STARD9: variants seen among roughly 807,000 people sequenced by gnomAD.
STARD9 encodes stAR-related lipid transfer protein 9.
STARD9 carries 346 observed loss-of-function variants against 399.8 expected under a neutral mutation model. That is an observed-to-expected ratio of 0.87 (90% confidence interval 0.79 to 0.95). The LOEUF (loss-of-function observed/expected upper bound fraction) is 0.95. STARD9 is among the 40% of genes least tolerant of loss of function. STARD9 has a pLI of 0.00. For synonymous variants in STARD9, 2,203 were observed against 2,143.5 expected, an observed-to-expected ratio of 1.03 and a Z score of -0.77; for missense variants, 5,832 against 5,667.5, an observed-to-expected ratio of 1.03 and a Z score of -0.93.
chr15:42,718,500 G>A lies in STARD9; in HGVS notation c.13828G>A (p.Val4610Met), dbSNP rs1345252622. Reference protein sequence around the residue: ...KQPRDFCCVCVEAKEGHLSVM... With the variant: ...KQPRDFCCVCMEAKEGHLSVM... ...GCCACGGGATTTCTGTTGTGTCTGC[G>A]TGGAAGCCAAAGAGGTGCCTGCCTT... The change falls in exon 31 of 33, where the codon GTG becomes ATG. Residue 4610 changes from valine to methionine, a missense_variant. Physicochemically the swap from Val to Met is conservative, Grantham distance 21. Around this residue, in one of 2 missense-constraint regions of STARD9, gnomAD observed 5,828 missense variants for 5,651.1 expected, o/e 1.03. Coordinates refer to ENST00000290607, the MANE Select transcript of STARD9 (RefSeq NM_020759.3). 12 of 1,537,210 alleles carry A rather than the reference G, an allele frequency of 7.8e-6. No individual in the cohort carries two copies. The highest frequency in any genetic ancestry group is 2.0e-5 in the Admixed American group (1 of 51,002).
intron 9 of STARD9, 60 bp downstream of exon 9, chr15:42,652,652 T>A: frequency 7.2e-7 from 1 of 1,383,684 alleles, no homozygotes; most frequent in East Asian, 2.5e-5. Flanking sequence ...TAAACCACTT[T>A]CTTGTCTTCC....
At chr15:42,636,278 A>G (rs1053569658) in intron 4 of STARD9, among the ~76,000 whole-genome samples, 4 of 152,124 alleles carry the variant, frequency 2.6e-5, no homozygotes, top group African/African-American at 7.2e-5. Context: ...CACCCTGGGC[A>G]ACAGAGTAAG....
At chr15:42,608,547 GAA>G (rs2141796426) in intron 3 of STARD9, among the ~76,000 whole-genome samples, 1 of 152,258 alleles carries the variant, frequency 6.6e-6, no homozygotes. Context: ...CTGATTGCAG[GAA>G]AAGTTTTTTC....
chr15:42,673,333 C>T (rs546971557), intron 16 of STARD9, among the ~76,000 whole-genome samples: 2 of 152,054 alleles, frequency 1.3e-5, no homozygotes, highest in East Asian at 1.9e-4. Context: ...ACCTGGGAGG[C>T]GAAGGTTGCA....
intron 3 of STARD9, among the ~76,000 whole-genome samples, chr15:42,633,969 G>A (rs1185462649): frequency 1.3e-5 from 2 of 151,988 alleles, no homozygotes; most frequent in Non-Finnish European, 2.9e-5. Context: ...TCATGTGCTA[G>A]TGTTGTCCTA....
At chr15:42,669,068 C>T (rs1178301026) in intron 15 of STARD9, 90 bp from the exon 16 acceptor site, 1 of 1,168,656 alleles carries the variant, frequency 8.6e-7, no homozygotes, top group East Asian at 2.6e-5. Flanking sequence ...AAGCAGTACC[C>T]TGGGGAAATA....
At chr15:42,621,572 A>G (rs1326214652) in intron 3 of STARD9, among the ~76,000 whole-genome samples, 1 of 152,234 alleles carries the variant, frequency 6.6e-6, no homozygotes, top group African/African-American at 2.4e-5. Flanking sequence ...CAGAGGGATG[A>G]GGTACAGAAA....
At chr15:42,628,634 A>C (rs2059271246) in intron 3 of STARD9, among the ~76,000 whole-genome samples, 1 of 152,182 alleles carries the variant, frequency 6.6e-6, no homozygotes, top group African/African-American at 2.4e-5. Flanking sequence ...GTCAAGTTTC[A>C]TTCTTCTGCA....
At position 42,685,553 on chromosome 15, in the gene STARD9, G is replaced by C. The variant is rs1433153900; in HGVS notation, c.3975G>C (p.Gln1325His). The C allele has an allele frequency of 3.9e-6, 6 of 1,537,518 alleles. No homozygotes were observed. Among genetic ancestry groups the C allele is most frequent in the Non-Finnish European group, 5.2e-6 (6 of 1,147,024 alleles). ...AAGCCGACTCTCTCCAAGGCATGCA[G>C]CTTTCAAGAGAGAGCCCACTGATGT... ...SEQADSLQGM[Q>H]LSRESPLMSM... is the part of the protein sequence containing the mutation. The change falls in exon 23 of 33, where the codon CAG becomes CAC. Residue 1325 changes from glutamine (Q) to histidine (H), a missense_variant. Gln to His is a conservative substitution (Grantham distance 24). Around this residue, in one of 2 missense-constraint regions of STARD9, gnomAD observed 5,828 missense variants for 5,651.1 expected, o/e 1.03. Coordinates refer to ENST00000290607, the MANE Select transcript of STARD9 (RefSeq NM_020759.3).
rs1387192191 is a variant in STARD9 at position 42,685,500 on chromosome 15, T to A, written c.3922T>A (p.Ser1308Thr). The A allele has an allele frequency of 1.3e-6, 2 of 1,535,978 alleles. No homozygotes were observed. The highest frequency in any genetic ancestry group is 4.9e-5 in the East Asian group (2 of 40,850). ...CCAGCCCCATTGTGAGCAGGCTGAA[T>A]CACAGGTAGAGCCAAGCTACTCTGA... ...ELQPHCEQAE[S>T]QVEPSYSEQA... The change falls in exon 23 of 33, where the codon TCA becomes ACA. Residue 1308 changes from serine (S) to threonine (T), a missense_variant. Ser to Thr is a moderately conservative substitution (Grantham distance 58). Coordinates refer to ENST00000290607, the MANE Select transcript of STARD9 (RefSeq NM_020759.3).
intron 16 of STARD9, chr15:42,672,463 A>G (rs1231108134): frequency 1.3e-5 from 2 of 152,218 alleles, no homozygotes; most frequent in Non-Finnish European, 2.9e-5. Flanking sequence ...AGAAGTTATG[A>G]TGTGCCATAG....
rs1430888133 is a variant in STARD9, at chr15:42,690,032, C to T, written c.8454C>T (p.Thr2818=). 3.9e-6 allele frequency: 6 copies of T among 1,537,466 alleles called. No homozygotes were observed. Among genetic ancestry groups the T allele is most frequent in the African/African-American group, 2.7e-5 (2 of 73,164 alleles). The change falls in exon 23 of 33, where the codon ACC becomes ACT. Residue 2818 remains threonine, a synonymous_variant. Coordinates refer to ENST00000290607, the MANE Select transcript of STARD9 (RefSeq NM_020759.3). The part of the protein sequence containing the change: ...KTAHFESQSV[T]CDVQNSTSAS... ...CCCATTTTGAAAGTCAGTCTGTGACCTGTGATGTTCAGAATTCTACAAGTG... is the reference window on the plus strand; with the variant it reads ...CCCATTTTGAAAGTCAGTCTGTGACTTGTGATGTTCAGAATTCTACAAGTG...
chr15:42,690,961 G>T lies in STARD9; in HGVS notation c.9383G>T (p.Cys3128Phe). The T allele has an allele frequency of 6.5e-7, 1 of 1,537,218 alleles. No homozygotes were observed. The highest frequency in any genetic ancestry group is 8.7e-7 in the Non-Finnish European group (1 of 1,146,916). Residue 3128 changes from cysteine (C) to phenylalanine (F), a missense_variant, in exon 23 of 33, where the codon TGT (cysteine) becomes TTT (phenylalanine). Cys to Phe is a radical substitution (Grantham distance 205). Transcript: ENST00000290607. Reference sequence around the variant, plus strand: ...GTAGGTGACCAGAATGCACAGGTGTGTCAAACCAATCCAGAACCACCTGCA... The same window carrying T: ...GTAGGTGACCAGAATGCACAGGTGTTTCAAACCAATCCAGAACCACCTGCA... The part of the protein sequence containing the change: ...SSVGDQNAQV[C>F]QTNPEPPATT...
intron 26 of STARD9, among the ~76,000 whole-genome samples, chr15:42,698,380 C>G (rs985541794): frequency 6.6e-6 from 1 of 152,216 alleles, no homozygotes; most frequent in East Asian, 1.9e-4. Context: ...TTCCCACACT[C>G]TCACCAACAT....
At chr15:42,662,997 C>A (rs937388430) in intron 11 of STARD9, 106 bp downstream of exon 11, 8 of 901,962 alleles carry the variant, frequency 8.9e-6, no homozygotes, top group African/African-American at 1.7e-5. Context: ...GATAAGGTTA[C>A]CTTCTGGTTT....
At chr15:42,650,970 C>T (rs905687731) in intron 7 of STARD9, 46 bp from the exon 8 acceptor site, 4 of 1,342,386 alleles carry the variant, frequency 3.0e-6, no homozygotes, top group East Asian at 2.6e-5. Flanking sequence ...TAAAGTTTAC[C>T]AAAAATCTCA....
chr15:42,645,900 C>G (rs1429976008), intron 7 of STARD9, among the ~76,000 whole-genome samples: 1 of 151,918 alleles, frequency 6.6e-6, no homozygotes, highest in Admixed American at 6.6e-5. Context: ...TGGCTCATGC[C>G]TGTAATCCCA....
intron 16 of STARD9, chr15:42,670,794 G>A (rs781346234): frequency 1.3e-5 from 2 of 152,148 alleles, no homozygotes; most frequent in Non-Finnish European, 2.9e-5. Flanking sequence ...GGTATACAGG[G>A]TATAAATTTT....
intron 3 of STARD9, among the ~76,000 whole-genome samples, chr15:42,603,016 C>T (rs2058660050): frequency 6.6e-6 from 1 of 152,080 alleles, no homozygotes; most frequent in Admixed American, 6.5e-5. Flanking sequence ...ACTTGCTGCT[C>T]TTTCTGAACT....
Sources: allele counts gnomAD v4.1 joint callset (sites outside exome capture counted in the v4.1 genomes callset), GRCh38; gene constraint gnomAD v4.1.1; regional missense constraint gnomAD v4.1.1; transcripts MANE v1.5; gene names NCBI Gene and HGNC (gene_info 2026-07-23, HGNC 2026-07-21).